PARG: variants seen among roughly 807,000 people sequenced by gnomAD.
PARG encodes poly(ADP-ribose) glycohydrolase, also known as mitochondrial poly(ADP-ribose) glycohydrolase.
A neutral mutation model predicts 113.0 loss-of-function variants in PARG; 35 were observed. The observed-to-expected ratio is 0.31, with a 90% confidence interval of 0.24 to 0.41. The LOEUF is 0.41. Among genes scored for constraint, PARG ranks in the 10% least tolerant of loss-of-function variants. PARG has a pLI of 1.00. For synonymous variants in PARG, 330 were observed against 409.9 expected, an observed-to-expected ratio of 0.81 and a Z score of 2.36; for missense variants, 797 against 1,169.4, an observed-to-expected ratio of 0.68 and a Z score of 4.64.
At position 49,833,086 on chromosome 10, in the gene PARG, G is replaced by A. The variant is rs578129506; in HGVS notation, c.2542-178C>T. On this transcript the variant is annotated intron_variant, in intron 15 of 17. Coordinates refer to ENST00000616448, the MANE Select transcript of PARG (RefSeq NM_003631.5). ...GGGAGAAAGGGAGAGAAAAACCTGG[G>A]ATTATGCAAGGAAGAGACTAAGAAA... 3.5e-5 allele frequency: 15 copies of A among 431,270 alleles called. No individual in the cohort carries two copies. The South Asian group carries it at 8.1e-4, about 23-fold the overall frequency. 26.7% of individuals were successfully genotyped at this position (431,270 alleles called of 1,614,324 possible).
chr10:49,843,700 T>C (rs1283096792), intron 13 of PARG, 68 bp from the exon 14 acceptor site: 16 of 1,045,386 alleles, frequency 1.5e-5, no homozygotes, highest in Admixed American at 9.9e-5. Context: ...TTTCATAACA[T>C]GGCAAGAATA....
At chr10:49,896,242 A>C (rs1474176005) in intron 7 of PARG, among the ~76,000 whole-genome samples, 3 of 152,194 alleles carry the variant, frequency 2.0e-5, no homozygotes, top group African/African-American at 7.2e-5. Context: ...GATACTCTTT[A>C]ACAGATTGAG....
chr10:49,927,353 A>AAAGAAAGAAG (rs1564664733), intron 4 of PARG, among the ~76,000 whole-genome samples: 29 of 127,236 alleles, frequency 2.3e-4, no homozygotes, highest in African/African-American at 9.9e-4. Context: ...AAGGAAGGAA[A>AAAGAAAGAAG]GAAAGAAGGA....
intron 7 of PARG, among the ~76,000 whole-genome samples, chr10:49,906,975 G>A (rs547446916): frequency 4.6e-5 from 7 of 151,988 alleles, no homozygotes; most frequent in Admixed American, 2.0e-4. Flanking sequence ...TATGCATATG[G>A]TTACTTAAGG....
In PARG at chr10:49,941,768, A is replaced by G. The variant is rs2133031423; in HGVS notation, c.-43T>C. The G allele has an allele frequency of 6.5e-7, 1 of 1,542,952 alleles. No homozygotes were observed. Among genetic ancestry groups the G allele is most frequent in the South Asian group, 1.2e-5 (1 of 84,028 alleles). On this transcript the variant is annotated 5_prime_UTR_variant, in exon 1 of 18. Coordinates refer to ENST00000616448, the MANE Select transcript of PARG (RefSeq NM_003631.5). ...ACTGTCCCCGGGCCGGCCCGGGCGGAGAGCCTCATTCACTAACCCTGAGAG... is the reference window on the plus strand; with the variant it reads ...ACTGTCCCCGGGCCGGCCCGGGCGGGGAGCCTCATTCACTAACCCTGAGAG...
At chr10:49,848,197 A>C (rs1845599115) in intron 13 of PARG, among the ~76,000 whole-genome samples, 1 of 139,322 alleles carries the variant, frequency 7.2e-6, no homozygotes, top group African/African-American at 2.8e-5. Context: ...AAAAATACAA[A>C]AATTATCTGG....
intron 7 of PARG, among the ~76,000 whole-genome samples, chr10:49,888,656 C>T (rs1440642315): frequency 2.6e-5 from 4 of 151,958 alleles, no homozygotes; most frequent in African/African-American, 7.3e-5. Context: ...TTTTTCTTTG[C>T]CTTTGGTTTT....
At chr10:49,929,921 T>A (rs1195306811) in intron 4 of PARG, among the ~76,000 whole-genome samples, 2 of 150,776 alleles carry the variant, frequency 1.3e-5, no homozygotes, top group Admixed American at 1.3e-4. Flanking sequence ...AATACAAAAT[T>A]TGAAAGTAGG....
Position 49,887,613 on chromosome 10 carries a change from T to A in PARG, c.1738-2318A>T, listed in dbSNP as rs180955963. On this transcript the variant is annotated intron_variant, in intron 7 of 17. Coordinates refer to ENST00000616448, the MANE Select transcript of PARG (RefSeq NM_003631.5). ...TAAAAGGCATTCAAGTTATTGCAAG[T>A]ATCAATAGTTCACTCCTCCTCATTA... Among the ~76,000 whole-genome samples the A allele has an allele frequency of 3.0e-3, 450 of 152,316 alleles. 1 individual carries two copies. The highest frequency in any genetic ancestry group is 0.01 in the African/African-American group (431 of 41,568).
At chr10:49,911,187 G>T (rs1837161935) in intron 7 of PARG, among the ~76,000 whole-genome samples, 1 of 151,896 alleles carries the variant, frequency 6.6e-6, no homozygotes, top group Admixed American at 6.6e-5. Context: ...GGAGGCTGAG[G>T]CGGGAGAATC....
chr10:49,845,619 A>T (rs1335060957), intron 13 of PARG, among the ~76,000 whole-genome samples: 40 of 152,100 alleles, frequency 2.6e-4, no homozygotes, highest in Non-Finnish European at 5.3e-4. Context: ...GAATGTGGCT[A>T]AGCACAGTGG....
At chr10:49,832,369 C>T (rs1427743177) in intron 16 of PARG, among the ~76,000 whole-genome samples, 1 of 152,188 alleles carries the variant, frequency 6.6e-6, no homozygotes, top group Non-Finnish European at 1.5e-5. Flanking sequence ...CCAAAGCAGG[C>T]ATCACATCTT....
At chr10:49,920,593 TACATATATACGTAC>T (rs1313792676) in intron 6 of PARG, among the ~76,000 whole-genome samples, 1 of 144,144 alleles carries the variant, frequency 6.9e-6, no homozygotes, top group Admixed American at 7.0e-5. Context: ...TACACATATA[TACATATATACGTAC>T]ATATATACGT....
intron 10 of PARG, 93 bp from the exon 11 acceptor site, chr10:49,865,474 C>CACACACACACACAT: frequency 5.5e-6 from 3 of 541,446 alleles, no homozygotes; most frequent in East Asian, 3.2e-5. Context: ...CACACACACA[C>CACACACACACACAT]ACACACACAC....
chr10:49,930,598 T>G (rs1224307209), intron 4 of PARG, among the ~76,000 whole-genome samples: 33 of 152,322 alleles, frequency 2.2e-4, no homozygotes, highest in Non-Finnish European at 4.4e-4. Context: ...CACAGCCTTT[T>G]CTTATAAATC....
chr10:49,899,145 A>G (rs1848236723), intron 7 of PARG, among the ~76,000 whole-genome samples: 1 of 152,238 alleles, frequency 6.6e-6, no homozygotes, highest in South Asian at 2.1e-4. Flanking sequence ...CAGCAAAAAT[A>G]TCATAGTTTT....
chr10:49,867,644 CA>C (rs1318150493), intron 10 of PARG, among the ~76,000 whole-genome samples: 1 of 146,154 alleles, frequency 6.8e-6, no homozygotes, highest in Non-Finnish European at 1.5e-5. Flanking sequence ...TGTATTTCTA[CA>C]AAGAACTTAA....
At chr10:49,819,877 T>C (rs1178103259) in intron 17 of PARG, among the ~76,000 whole-genome samples, 1 of 152,188 alleles carries the variant, frequency 6.6e-6, no homozygotes, top group Non-Finnish European at 1.5e-5. Flanking sequence ...CCCTCATTCA[T>C]CTTTCCCATT....
chr10:49,860,897 C>G (rs1464660163), intron 12 of PARG, among the ~76,000 whole-genome samples: 1 of 152,082 alleles, frequency 6.6e-6, no homozygotes, highest in Non-Finnish European at 1.5e-5. Context: ...GTTAAAGAAG[C>G]ATTATAAATC....
Sources: gnomAD v4.1 joint callset for allele counts (sites outside exome capture counted in the v4.1 genomes callset) on GRCh38, gnomAD v4.1.1 for gene constraint, MANE v1.5 for transcripts, NCBI Gene and HGNC (gene_info 2026-07-23, HGNC 2026-07-21) for gene names.